BRCA2: variants seen among roughly 807,000 people sequenced by gnomAD.
The protein encoded by BRCA2 is BRCA2 DNA repair associated, also known as breast cancer type 2 susceptibility protein.
BRCA2 carries 203 observed loss-of-function variants against 276.7 expected under a neutral mutation model. The observed-to-expected ratio is 0.73, with a 90% CI of 0.65 to 0.82. BRCA2 has a LOEUF of 0.82. Among genes scored for constraint, BRCA2 ranks in the 40% least tolerant of loss-of-function variants. The pLI is 0.00. For synonymous variants in BRCA2, 1,289 were observed against 1,338.4 expected (o/e 0.96, Z 0.81); for missense variants, 3,920 against 3,915.0 (o/e 1.00, Z -0.03).
intron 12 of BRCA2, 72 bp from the exon 13 acceptor site, chr13:32,346,755 T>C: frequency 3.2e-6 from 4 of 1,242,804 alleles, no homozygotes; most frequent in Non-Finnish European, 4.5e-6. Flanking sequence ...TCAAATTTTT[T>C]GTGTATTTAC....
intron 11 of BRCA2, among the ~76,000 whole-genome samples, chr13:32,341,654 C>T (rs1555284909): frequency 6.6e-6 from 1 of 151,966 alleles, no homozygotes; most frequent in Non-Finnish European, 1.5e-5. Context: ...ATCACGAGGT[C>T]AGGAGATCGA....
At position 32,346,890 on chromosome 13, in the gene BRCA2, C is replaced by CAAA; in HGVS notation, c.7001_7002insAAA (p.Pro2334_Phe2335insAsn). On this transcript the variant is annotated inframe_insertion, in exon 13 of 27. Transcript: ENST00000380152. ...TCTTTAGAGCCGATTACCTGTGTAC[C>CAAA]CTTTCGGTAAGACATGTTTAAATTT... 1 of 1,606,718 alleles carries CAAA rather than the reference C, an allele frequency of 6.2e-7. No individual in the cohort carries two copies. The highest frequency in any genetic ancestry group is 8.5e-7 in the Non-Finnish European group (1 of 1,175,920).
rs1131692121 is a variant in BRCA2 at position 32,340,898 on chromosome 13, A to T, written c.6543A>T (p.Gly2181=). 1 of 1,607,496 alleles carries T rather than the reference A, an allele frequency of 6.2e-7. No homozygotes were observed. Among genetic ancestry groups the T allele is most frequent in the Non-Finnish European group, 8.5e-7 (1 of 1,178,458 alleles). Residue 2181 remains glycine (G), a synonymous_variant, in exon 11 of 27, where the codon GGA becomes GGT. Coordinates refer to ENST00000380152, the MANE Select transcript of BRCA2 (RefSeq NM_000059.4). ...TTGTTGAGAACATTCATGTTTTGGG[A>T]AAAGAACAGGCTTCACCTAAAAACG... is the stretch of plus-strand genomic sequence containing the variant. ...VSLVENIHVL[G]KEQASPKNVK...
At chr13:32,327,768 A>T (rs1385500898) in intron 7 of BRCA2, among the ~76,000 whole-genome samples, 3 of 144,168 alleles carry the variant, frequency 2.1e-5, no homozygotes, top group East Asian at 2.0e-4. Context: ...AGTTGTGACT[A>T]TTTTTTTTTT....
intron 21 of BRCA2, among the ~76,000 whole-genome samples, chr13:32,378,977 G>A (rs1051302060): frequency 1.3e-5 from 2 of 152,134 alleles, no homozygotes; most frequent in East Asian, 1.9e-4. Context: ...CTACCCCATG[G>A]ACTGTTGTGA....
rs373696964 is a variant in BRCA2, at chr13:32,341,126, C to T, written c.6771C>T (p.Pro2257=). Residue 2257 remains proline (P), a synonymous_variant, in exon 11 of 27, where the codon CCC becomes CCT. Transcript: ENST00000380152. ...CCACACATTCTCTTTTTACATGTCC[C>T]GAAAATGAGGAAATGGTTTTGTCAA... is the stretch of plus-strand genomic sequence containing the variant. ...SHATHSLFTC[P]ENEEMVLSNS... is the part of the protein sequence containing the mutation. 35 of 1,613,712 alleles carry T rather than the reference C, an allele frequency of 2.2e-5. No homozygotes were observed. Among genetic ancestry groups the T allele is most frequent in the South Asian group, 1.8e-4 (16 of 91,060 alleles).
At position 32,394,897 on chromosome 13, in the gene BRCA2, T is replaced by G; in HGVS notation, c.9465T>G (p.Phe3155Leu). 6.2e-7 allele frequency: 1 copy of G among 1,614,112 alleles called. No homozygotes were observed. The highest frequency in any genetic ancestry group is 8.5e-7 in the Non-Finnish European group (1 of 1,179,968). ...CTGCTAGTCCAAAAGAGGGCCACTTTCAAGAGACATTCAACAAAATGAAAA... is the reference window on the plus strand; with the variant it reads ...CTGCTAGTCCAAAAGAGGGCCACTTGCAAGAGACATTCAACAAAATGAAAA... Reference protein sequence around the residue: ...VFSASPKEGHFQETFNKMKNT... With the variant: ...VFSASPKEGHLQETFNKMKNT... Residue 3155 changes from phenylalanine (F) to leucine (L), a missense_variant, in exon 25 of 27, where the codon TTT becomes TTG. Physicochemically the swap from Phe to Leu is conservative, Grantham distance 22. This residue lies in a region of BRCA2 where 657 missense variants were observed against 758.2 expected (regional missense o/e 0.87). Transcript: ENST00000380152.
chr13:32,396,614 A>G (rs905521012), intron 25 of BRCA2, among the ~76,000 whole-genome samples: 1 of 152,194 alleles, frequency 6.6e-6, no homozygotes, highest in African/African-American at 2.4e-5. Context: ...AATCCAGATC[A>G]TATGACAGCT....
rs80358432 is a variant in BRCA2 at position 32,332,925 on chromosome 13, G to C, written c.1447G>C (p.Ala483Pro). The C allele has an allele frequency of 1.2e-6, 2 of 1,608,322 alleles. No individual in the cohort carries two copies. Among genetic ancestry groups the C allele is most frequent in the African/African-American group, 2.7e-5 (2 of 74,588 alleles). ...TGAATCTCATACAGACTGCATTCTT[G>C]CAGTAAAGCAGGCAATATCTGGAAC... is the stretch of plus-strand genomic sequence containing the variant. ...HLESHTDCIL[A>P]VKQAISGTSP... Residue 483 changes from alanine (A) to proline (P), a missense_variant, in exon 10 of 27, where the codon GCA (alanine) becomes CCA (proline). Coordinates refer to ENST00000380152, the MANE Select transcript of BRCA2 (RefSeq NM_000059.4).
chr13:32,386,675 T>A (rs1384667760), intron 24 of BRCA2, among the ~76,000 whole-genome samples: 1 of 151,744 alleles, frequency 6.6e-6, no homozygotes, highest in Non-Finnish European at 1.5e-5. Context: ...TGACCCAGTG[T>A]AATTCTTGAC....
At position 32,338,032 on chromosome 13, in the gene BRCA2, A is replaced by T. The variant is rs80358612; in HGVS notation, c.3677A>T (p.Lys1226Ile). ...FRGFYSAHGTKLNVSTEALQK... is the reference protein window; with the variant it reads ...FRGFYSAHGTILNVSTEALQK... The stretch of plus-strand genomic sequence containing the variant: ...GGCTTTTATTCTGCTCATGGCACAA[A>T]ACTGAATGTTTCTACTGAAGCTCTG... The change falls in exon 11 of 27, where the codon AAA becomes ATA. Residue 1226 changes from lysine to isoleucine, a missense_variant. Transcript: ENST00000380152. The T allele has an allele frequency of 1.2e-6, 2 of 1,612,202 alleles. No individual in the cohort carries two copies. The highest frequency in any genetic ancestry group is 1.7e-6 in the Non-Finnish European group (2 of 1,179,042).
Position 32,337,445 on chromosome 13 carries a change from C to A in BRCA2, c.3090C>A (p.Phe1030Leu), listed in dbSNP as rs756152752. The change falls in exon 11 of 27, where the codon TTC (phenylalanine) becomes TTA (leucine). Residue 1030 changes from phenylalanine (F) to leucine (L), a missense_variant. Around this residue, in one of 2 missense-constraint regions of BRCA2, gnomAD observed 3,263 missense variants for 3,156.9 expected, o/e 1.03. Coordinates refer to ENST00000380152, the MANE Select transcript of BRCA2 (RefSeq NM_000059.4). ...ATAACATTAAGAAGAGCAAAATGTT[C>A]TTCAAAGATATTGAAGAACAATATC... ...SEHNIKKSKM[F>L]FKDIEEQYPT... 6.2e-7 allele frequency: 1 copy of A among 1,612,824 alleles called. No individual in the cohort carries two copies. Among genetic ancestry groups the A allele is most frequent in the East Asian group, 2.2e-5 (1 of 44,828 alleles).
intron 24 of BRCA2, chr13:32,385,807 GAC>G (rs1237178177): frequency 1.2e-5 from 2 of 172,584 alleles, no homozygotes; most frequent in African/African-American, 4.8e-5. Context: ...AATAATGCAA[GAC>G]ATATATTTGC....
rs730881583 is a variant in BRCA2 at position 32,397,028 on chromosome 13, C to A, written c.9632C>A (p.Thr3211Lys). 2 of 1,613,970 alleles carry A rather than the reference C, an allele frequency of 1.2e-6. No individual in the cohort carries two copies. Among genetic ancestry groups the A allele is most frequent in the Non-Finnish European group, 1.7e-6 (2 of 1,179,932 alleles). Residue 3211 changes from threonine to lysine, a missense_variant, in exon 26 of 27, where the codon ACA (threonine) becomes AAA (lysine). Around this residue, in one of 2 missense-constraint regions of BRCA2, gnomAD observed 657 missense variants for 758.2 expected, o/e 0.87. Coordinates refer to ENST00000380152, the MANE Select transcript of BRCA2 (RefSeq NM_000059.4). ...GPYTAQIIPG[T>K]GNKLLMSSPN... The stretch of plus-strand genomic sequence containing the variant: ...TACACTGCTCAAATCATTCCTGGTA[C>A]AGGAAACAAGCTTCTGGTAAGTTAA...
In BRCA2 at chr13:32,339,311, A is replaced by G. The variant is rs2137512062; in HGVS notation, c.4956A>G (p.Ala1652=). ...AAAAAGAAACAGCAAAAAGTCCTGC[A>G]ACTTGTTACACAAATCAGTCCCCTT... The part of the protein sequence containing the change: ...NVEKETAKSP[A]TCYTNQSPYS... The change falls in exon 11 of 27, where the codon GCA becomes GCG. Residue 1652 remains alanine, a synonymous_variant. Transcript: ENST00000380152. 6.2e-7 allele frequency: 1 copy of G among 1,603,566 alleles called. No individual in the cohort carries two copies. Among genetic ancestry groups the G allele is most frequent in the Non-Finnish European group, 8.5e-7 (1 of 1,176,444 alleles).
chr13:32,395,280 C>A (rs777358603), intron 25 of BRCA2, among the ~76,000 whole-genome samples: 4 of 152,182 alleles, frequency 2.6e-5, no homozygotes, highest in Non-Finnish European at 4.4e-5. Context: ...ATAGAGACTA[C>A]AGGTTTACAT....
At position 32,337,521 on chromosome 13, in the gene BRCA2, CAAAA is replaced by C. The variant is rs80359372; in HGVS notation, c.3167_3170del (p.Gln1056ArgfsTer3). The C allele has an allele frequency of 6.2e-7, 1 of 1,607,714 alleles. No homozygotes were observed. Among genetic ancestry groups the C allele is most frequent in the East Asian group, 2.2e-5 (1 of 44,778 alleles). Reference sequence around the variant, plus strand: ...TGTAAATACCTTGGCATTAGATAATCAAAAGAAACTGAGCAAGCCTCAGTCAATT... The same window carrying C: ...TGTAAATACCTTGGCATTAGATAATCGAAACTGAGCAAGCCTCAGTCAATT... On this transcript the variant is annotated frameshift_variant, in exon 11 of 27. Transcript: ENST00000380152. LOFTEE classifies it high-confidence loss of function.
At chr13:32,375,318 C>A (rs915906953) in intron 20 of BRCA2, 7 of 427,958 alleles carry the variant, frequency 1.6e-5, no homozygotes, top group Non-Finnish European at 3.2e-5. Context: ...TTCTAGTTCT[C>A]TTGCTATTTT....
At chr13:32,329,545 T>G in intron 8 of BRCA2, 53 bp downstream of exon 8, 1 of 1,367,100 alleles carries the variant, frequency 7.3e-7, no homozygotes, top group Non-Finnish European at 1.0e-6. Context: ...AATTTTGGAA[T>G]GCCTTGTTAA....
Sources: gnomAD v4.1 joint callset for allele counts (sites outside exome capture counted in the v4.1 genomes callset) on GRCh38, gnomAD v4.1.1 for gene constraint, gnomAD v4.1.1 regional missense constraint, MANE v1.5 for transcripts, NCBI Gene and HGNC (gene_info 2026-07-23, HGNC 2026-07-21) for gene names.